The following FGF14 variants were observed in gnomAD, a reference collection of about 807,000 sequenced individuals.
FGF14 encodes the protein fibroblast growth factor homologous factor 4.
FGF14 carries 5 observed loss-of-function variants against 25.5 expected under a neutral mutation model. That is an observed-to-expected ratio of 0.20 (90% CI 0.10 to 0.41). FGF14 has a LOEUF of 0.41. Ranked by LOEUF, FGF14 falls within the 10% of genes least tolerant of loss-of-function variation. The pLI, the probability that FGF14 is intolerant of heterozygous loss-of-function variation, is 1.00. For missense variants in FGF14, 222 were observed against 320.1 expected (o/e 0.69, Z 2.34); for synonymous variants, 138 against 118.3 (o/e 1.17, Z -1.08).
At chr13:101,963,407 C>A (rs1432078583) in intron 1 of FGF14, among the ~76,000 whole-genome samples, 2 of 152,098 alleles carry the variant, frequency 1.3e-5, no homozygotes, top group Non-Finnish European at 2.9e-5. Context: ...CTTCTACATG[C>A]CTCCAAATGG....
intron 1 of FGF14, among the ~76,000 whole-genome samples, chr13:102,211,755 T>C (rs1482224167): frequency 2.0e-5 from 3 of 152,192 alleles, no homozygotes; most frequent in African/African-American, 7.2e-5. Context: ...GAGTTCAAGA[T>C]CAGCAAAGTT....
At chr13:102,086,698 G>T (rs1030385726) in intron 1 of FGF14, among the ~76,000 whole-genome samples, 3 of 152,138 alleles carry the variant, frequency 2.0e-5, no homozygotes, top group African/African-American at 7.2e-5. Context: ...AGTAGACAAA[G>T]AATTAGTTTT....
intron 1 of FGF14, among the ~76,000 whole-genome samples, chr13:102,263,762 AC>A (rs946318331): frequency 2.0e-5 from 3 of 152,162 alleles, no homozygotes; most frequent in African/African-American, 7.2e-5. Context: ...TTAAGAAGTG[AC>A]CTATAGGGAA....
At chr13:101,760,044 G>A (rs1052776146) in intron 3 of FGF14, among the ~76,000 whole-genome samples, 2 of 152,124 alleles carry the variant, frequency 1.3e-5, no homozygotes, top group South Asian at 4.1e-4. Flanking sequence ...AAAAATAGGG[G>A]TGACTCCAAT....
intron 1 of FGF14, among the ~76,000 whole-genome samples, chr13:102,385,394 A>G (rs554547238): frequency 6.6e-6 from 1 of 152,322 alleles, no homozygotes; most frequent in African/African-American, 2.4e-5. Flanking sequence ...ATAGCTGGTT[A>G]TACTGTACCA....
chr13:102,042,913 A>C (rs1455885690), intron 1 of FGF14, among the ~76,000 whole-genome samples: 1 of 152,218 alleles, frequency 6.6e-6, no homozygotes, highest in African/African-American at 2.4e-5. Context: ...CAGTACCAGC[A>C]AGTGTCAGTA....
chr13:102,112,008 T>C (rs582322), intron 1 of FGF14, among the ~76,000 whole-genome samples: 80,863 of 151,996 alleles, frequency 0.53, 22,898 homozygotes, highest in East Asian at 0.75. Flanking sequence ...TTAGTCTACA[T>C]ATCTAGCATC....
intron 1 of FGF14, among the ~76,000 whole-genome samples, chr13:102,072,661 A>G (rs1380002578): frequency 1.3e-5 from 2 of 152,236 alleles, no homozygotes; most frequent in Admixed American, 1.3e-4. Context: ...AGTTGCTTTA[A>G]TGTGTGAGGA....
rs2045203145 is a variant in FGF14 at position 102,111,136 on chromosome 13, C to T, written c.209-235840G>A. Among the ~76,000 whole-genome samples, 5 of 152,104 alleles carry T rather than the reference C, an allele frequency of 3.3e-5. 1 individual carries two copies. Among genetic ancestry groups the T allele is most frequent in the Non-Finnish European group, 7.4e-5 (5 of 68,016 alleles). The stretch of plus-strand genomic sequence containing the variant: ...TCAGTCAGGCCTTTCACAGCCTCCT[C>T]CACCTGCAGGCACCACTGCTTCCTC... On this transcript the variant is annotated intron_variant, in intron 1 of 4. Coordinates refer to the FGF14 transcript ENST00000376131.
At chr13:102,224,836 C>G (rs1285271489) in intron 1 of FGF14, among the ~76,000 whole-genome samples, 1 of 152,096 alleles carries the variant, frequency 6.6e-6, no homozygotes, top group African/African-American at 2.4e-5. Context: ...AAAGATGCCT[C>G]GAGGAGGAAA....
chr13:102,236,338 T>A (rs1017531912), intron 1 of FGF14, among the ~76,000 whole-genome samples: 1 of 151,942 alleles, frequency 6.6e-6, no homozygotes, highest in Non-Finnish European at 1.5e-5. Context: ...CAGGAAAAAA[T>A]GATTAAGAAT....
At chr13:102,273,440 C>T (rs950623662) in intron 1 of FGF14, among the ~76,000 whole-genome samples, 48 of 152,118 alleles carry the variant, frequency 3.2e-4, no homozygotes, top group Non-Finnish European at 7.4e-5. Flanking sequence ...TTGGAATGGC[C>T]TCCCCTCAAA....
At chr13:102,086,595 G>A (rs2043919663) in intron 1 of FGF14, among the ~76,000 whole-genome samples, 1 of 152,108 alleles carries the variant, frequency 6.6e-6, no homozygotes, top group Non-Finnish European at 1.5e-5. Flanking sequence ...GAGAATTTAA[G>A]GTATTTTCTC....
At chr13:102,401,763 G>T (rs1396982815) in exon 1 of FGF14, 1 of 1,171,672 alleles carries the variant, frequency 8.5e-7, no homozygotes, top group Non-Finnish European at 1.2e-6. Context: ...GTGATTGTTT[G>T]TTTTCGGCCA....
chr13:101,768,091 G>A (rs1301980069), intron 3 of FGF14, among the ~76,000 whole-genome samples: 1 of 151,874 alleles, frequency 6.6e-6, no homozygotes, highest in Non-Finnish European at 1.5e-5. Context: ...ATATTTTAGT[G>A]TCAACAGGGA....
chr13:101,729,439 C>T (rs1044544231), intron 3 of FGF14, among the ~76,000 whole-genome samples: 4 of 152,176 alleles, frequency 2.6e-5, no homozygotes, highest in South Asian at 2.1e-4. Context: ...ACTTTCAACA[C>T]GTAAATGGGA....
intron 1 of FGF14, among the ~76,000 whole-genome samples, chr13:102,021,135 CCGAGAGTAAAGGA>C (rs2040628638): frequency 6.6e-6 from 1 of 151,620 alleles, no homozygotes; most frequent in Non-Finnish European, 1.5e-5. Flanking sequence ...GAACAGAAGG[CCGAGAGTAAAGGA>C]GATTATGCAT....
chr13:102,239,116 G>A (rs2051465641), intron 1 of FGF14, among the ~76,000 whole-genome samples: 1 of 151,894 alleles, frequency 6.6e-6, no homozygotes, highest in African/African-American at 2.4e-5. Context: ...AACGGTAAAT[G>A]ACAACCCCAA....
intron 1 of FGF14, among the ~76,000 whole-genome samples, chr13:102,027,218 C>T (rs1322462603): frequency 2.6e-5 from 4 of 151,626 alleles, no homozygotes; most frequent in Non-Finnish European, 4.4e-5. Flanking sequence ...CACACACACA[C>T]ATACACACAG....
Sources: allele counts gnomAD v4.1 joint callset (sites outside exome capture counted in the v4.1 genomes callset), GRCh38; gene constraint gnomAD v4.1.1; transcripts MANE v1.5; gene names NCBI Gene and HGNC (gene_info 2026-07-23, HGNC 2026-07-21).